STAU2: variants seen among roughly 807,000 people sequenced by gnomAD.
STAU2 encodes double-stranded RNA-binding protein Staufen homolog 2.
A neutral mutation model predicts 65.9 loss-of-function variants in STAU2; 20 were observed. The ratio of observed to expected loss-of-function variants is 0.30; its 90% confidence interval spans 0.21 to 0.44. STAU2 has a LOEUF of 0.44. Ranked by LOEUF, STAU2 falls within the 20% of genes least tolerant of loss-of-function variation. STAU2 has a pLI of 1.00. For missense variants in STAU2, 558 were observed against 683.9 expected, an observed-to-expected ratio of 0.82 and a Z score of 2.05; for synonymous variants, 232 against 233.9, an observed-to-expected ratio of 0.99 and a Z score of 0.07.
At chr8:73,428,371 A>G (rs1427088443) in intron 13 of STAU2, among the ~76,000 whole-genome samples, 5 of 120,920 alleles carry the variant, frequency 4.1e-5, no homozygotes, top group Non-Finnish European at 6.3e-5. Flanking sequence ...TCATCCATTA[A>G]TGGACATTTA....
chr8:73,449,490 G>A (rs1170465341), intron 13 of STAU2, among the ~76,000 whole-genome samples: 1 of 152,206 alleles, frequency 6.6e-6, no homozygotes, highest in Non-Finnish European at 1.5e-5. Flanking sequence ...ACATTCTGAG[G>A]TACTGGGGGT....
intron 13 of STAU2, among the ~76,000 whole-genome samples, chr8:73,549,185 A>C (rs760426706): frequency 2.0e-5 from 3 of 152,196 alleles, no homozygotes; most frequent in Non-Finnish European, 2.9e-5. Flanking sequence ...AATGTGTAGA[A>C]GTTACAGAAG....
At chr8:73,654,009 G>T in intron 6 of STAU2, 1 of 239,790 alleles carries the variant, frequency 4.2e-6, no homozygotes, top group Non-Finnish European at 8.4e-6. Context: ...ATAAAAGGAT[G>T]ACTTACTTTT....
chr8:73,493,227 A>C (rs1035600894), intron 13 of STAU2, among the ~76,000 whole-genome samples: 1 of 151,794 alleles, frequency 6.6e-6, no homozygotes, highest in Non-Finnish European at 1.5e-5. Context: ...GAGAATAGAA[A>C]AAAGTTTCTT....
At chr8:73,554,347 T>TTC (rs1807563243) in intron 12 of STAU2, among the ~76,000 whole-genome samples, 1 of 152,242 alleles carries the variant, frequency 6.6e-6, no homozygotes, top group East Asian at 1.9e-4. Flanking sequence ...AGCCACCTCT[T>TTC]TCTTCATTGG....
intron 13 of STAU2, among the ~76,000 whole-genome samples, chr8:73,443,357 T>G (rs1818298575): frequency 6.6e-6 from 1 of 152,218 alleles, no homozygotes; most frequent in South Asian, 2.1e-4. Context: ...ACTTAGTGCT[T>G]TGTATAGCTA....
chr8:73,562,066 T>C (rs1808271111), intron 12 of STAU2, among the ~76,000 whole-genome samples: 6 of 152,246 alleles, frequency 3.9e-5, no homozygotes, highest in Admixed American at 3.9e-4. Context: ...GTTCTGGGCA[T>C]TTAGATTCTT....
At chr8:73,469,899 C>A (rs1819888559) in intron 13 of STAU2, among the ~76,000 whole-genome samples, 2 of 152,028 alleles carry the variant, frequency 1.3e-5, no homozygotes, top group Admixed American at 1.3e-4. Context: ...TTTAAATGTG[C>A]AGATATATTT....
At chr8:73,513,524 G>A (rs1822528602) in intron 13 of STAU2, among the ~76,000 whole-genome samples, 1 of 152,098 alleles carries the variant, frequency 6.6e-6, no homozygotes, top group Non-Finnish European at 1.5e-5. Flanking sequence ...CTGCATATGT[G>A]CAGATTTCAC....
intron 11 of STAU2, among the ~76,000 whole-genome samples, chr8:73,584,003 A>G (rs1007842504): frequency 6.6e-6 from 1 of 152,214 alleles, no homozygotes; most frequent in Non-Finnish European, 1.5e-5. Flanking sequence ...AATTGCTGCA[A>G]ATAGTTTACC....
chr8:73,606,439 T>A (rs554162172), intron 9 of STAU2, among the ~76,000 whole-genome samples: 15 of 152,178 alleles, frequency 9.9e-5, no homozygotes, highest in Non-Finnish European at 2.1e-4. Context: ...TGGCAAAAAA[T>A]TTAAATAAAC....
At chr8:73,667,961 T>C (rs1004374154) in intron 6 of STAU2, among the ~76,000 whole-genome samples, 1 of 152,184 alleles carries the variant, frequency 6.6e-6, no homozygotes, top group Non-Finnish European at 1.5e-5. Flanking sequence ...GAGGAACCGC[T>C]CCATAAAATA....
intron 12 of STAU2, among the ~76,000 whole-genome samples, chr8:73,578,642 CCTT>C (rs771949269): frequency 1.3e-5 from 2 of 152,166 alleles, no homozygotes; most frequent in Non-Finnish European, 2.9e-5. Flanking sequence ...ATTTACGGGA[CCTT>C]TGTTTGAAAA....
chr8:73,484,792 T>C (rs1820825051), intron 13 of STAU2, among the ~76,000 whole-genome samples: 1 of 152,066 alleles, frequency 6.6e-6, no homozygotes, highest in African/African-American at 2.4e-5. Flanking sequence ...CGGCACTCCA[T>C]GGCAATCACA....
At chr8:73,493,079 C>T (rs1821226622) in intron 13 of STAU2, among the ~76,000 whole-genome samples, 1 of 151,720 alleles carries the variant, frequency 6.6e-6, no homozygotes, top group South Asian at 2.1e-4. Context: ...AACTGAATAT[C>T]CATGTGGAAA....
intron 11 of STAU2, among the ~76,000 whole-genome samples, chr8:73,592,686 G>A (rs911212586): frequency 4.6e-5 from 7 of 151,932 alleles, no homozygotes; most frequent in African/African-American, 1.5e-4. Context: ...AGGTGAAACC[G>A]CTTCTTTACT....
chr8:73,466,165 A>T (rs1819642124), intron 13 of STAU2, among the ~76,000 whole-genome samples: 1 of 152,242 alleles, frequency 6.6e-6, no homozygotes, highest in Non-Finnish European at 1.5e-5. Context: ...TCACAAATGT[A>T]AATGGAAACC....
In STAU2 at chr8:73,728,514, C is replaced by A. The variant is rs527622861; in HGVS notation, c.-18+9770G>T. ...AATTTTGATAGAGATTGCATTGAAT[C>A]TGGAGATTGCTTTGGACAGTATTGC... On this transcript the variant is annotated intron_variant, in intron 3 of 14. Coordinates refer to ENST00000524300, the MANE Select transcript of STAU2 (RefSeq NM_001164380.2). Among the ~76,000 whole-genome samples, 19 of 147,858 alleles carry A rather than the reference C, an allele frequency of 1.3e-4. No individual in the cohort carries two copies. In the South Asian group the frequency reaches 4.1e-3, roughly 32 times the overall value.
intron 9 of STAU2, among the ~76,000 whole-genome samples, chr8:73,609,557 G>A (rs552961776): frequency 6.6e-6 from 1 of 152,044 alleles, no homozygotes; most frequent in Admixed American, 6.6e-5. Context: ...GGGAGGCTGA[G>A]GCAGGAGAAT....
Sources: allele counts gnomAD v4.1 joint callset (sites outside exome capture counted in the v4.1 genomes callset), GRCh38; gene constraint gnomAD v4.1.1; transcripts MANE v1.5; gene names NCBI Gene and HGNC (gene_info 2026-07-23, HGNC 2026-07-21).